The following GABRR2 variants were observed in gnomAD, a reference collection of about 807,000 sequenced individuals.
GABRR2 encodes gamma-aminobutyric acid receptor subunit rho-2.
A neutral mutation model predicts 47.0 loss-of-function variants in GABRR2; 36 were observed. The observed-to-expected ratio is 0.77, with a 90% CI of 0.59 to 1.01. GABRR2 has a LOEUF of 1.01. Ranked by LOEUF, GABRR2 falls within the 50% of genes least tolerant of loss-of-function variation. The pLI, the probability that GABRR2 is intolerant of heterozygous loss-of-function variation, is 0.00. For synonymous variants in GABRR2, 204 were observed against 227.5 expected (o/e 0.90, Z 0.93); for missense variants, 587 against 594.6 (o/e 0.99, Z 0.13).
chr6:89,307,814 CTTT>C lies in GABRR2; in HGVS notation c.113+7236_113+7238del, dbSNP rs1247224346. ...CCCTGTTCTTGTCAAACTTCATTCA[CTTT>C]TTTTTTTTTTTTTTTTTTGAGATGG... On this transcript the variant is annotated intron_variant, in intron 1 of 8. Transcript: ENST00000402938. Among the ~76,000 whole-genome samples the C allele has an allele frequency of 9.7e-3, 1,211 of 125,224 alleles. 9 individuals are homozygous for C. Among genetic ancestry groups the C allele is most frequent in the African/African-American group, 0.037 (1,158 of 31,516 alleles). 82.2% of individuals were successfully genotyped at this position (125,224 alleles called of 152,430 possible).
chr6:89,285,551 G>A (rs569051416), intron 2 of GABRR2, among the ~76,000 whole-genome samples: 9 of 152,212 alleles, frequency 5.9e-5, no homozygotes, highest in Middle Eastern at 3.4e-3. Flanking sequence ...CATCACCCGG[G>A]CACTTAGAGA....
At position 89,257,073 on chromosome 6, in the gene GABRR2, G is replaced by A. The variant is rs1416145055; in HGVS notation, c.*597C>T. ...TTTCTACCGTACCTGGCACAGAGTG[G>A]GACCTCAATATTTAATGAATGGTTG... is the stretch of plus-strand genomic sequence containing the variant. On this transcript the variant is annotated 3_prime_UTR_variant, in exon 9 of 9. Coordinates refer to ENST00000402938, the MANE Select transcript of GABRR2 (RefSeq NM_002043.5). 2.0e-5 allele frequency: 3 copies of A among 152,718 alleles called. No individual in the cohort carries two copies. The East Asian group carries it at 5.8e-4, about 29-fold the overall frequency. 9.5% of individuals were successfully genotyped at this position (152,718 alleles called of 1,614,324 possible). A position where few individuals can be genotyped will look rare whatever the true frequency, so the allele number is the denominator to read the frequency against.
At chr6:89,302,485 A>T in intron 1 of GABRR2, 2 of 662,712 alleles carry the variant, frequency 3.0e-6, no homozygotes, top group Admixed American at 3.9e-5. Context: ...CAGGATCACT[A>T]CCTCCTTGTG....
rs938377562 is a variant in GABRR2, at chr6:89,256,307, C to G, written c.*1363G>C. On this transcript the variant is annotated 3_prime_UTR_variant, in exon 9 of 9. Coordinates refer to ENST00000402938, the MANE Select transcript of GABRR2 (RefSeq NM_002043.5). The stretch of plus-strand genomic sequence containing the variant: ...TGAACTATTACTGAGGCACTAAACA[C>G]TCTTAATCTTATATTATAGATATTT... 4.0e-5 allele frequency among the ~76,000 whole-genome samples: 6 copies of G among 151,696 alleles called. No homozygotes were observed. Among genetic ancestry groups the G allele is most frequent in the African/African-American group, 1.2e-4 (5 of 41,240 alleles).
chr6:89,305,138 A>G (rs1044599325), intron 1 of GABRR2, among the ~76,000 whole-genome samples: 2 of 152,122 alleles, frequency 1.3e-5, no homozygotes, highest in African/African-American at 4.8e-5. Flanking sequence ...CAGGTGGATC[A>G]CAGGCCAGGA....
chr6:89,309,926 A>T (rs1767651605), intron 1 of GABRR2, among the ~76,000 whole-genome samples: 1 of 149,034 alleles, frequency 6.7e-6, no homozygotes, highest in Non-Finnish European at 1.5e-5. Context: ...TAACAGGCAC[A>T]TGCCACCGTG....
Position 89,271,700 on chromosome 6 carries a change from C to A in GABRR2, c.243G>T (p.Val81=). 2 of 1,612,572 alleles carry A rather than the reference C, an allele frequency of 1.2e-6. No individual in the cohort carries two copies. The highest frequency in any genetic ancestry group is 1.7e-6 in the Non-Finnish European group (2 of 1,179,378). Residue 81 remains valine, a synonymous_variant, in exon 3 of 9, where the codon GTG becomes GTT. Coordinates refer to ENST00000402938, the MANE Select transcript of GABRR2 (RefSeq NM_002043.5). ...TGTCCAGGCTCTCCACCTGTACGTCCACGCCCACCGGGATGGCAGGGCCTG... is the reference window on the plus strand; with the variant it reads ...TGTCCAGGCTCTCCACCTGTACGTCAACGCCCACCGGGATGGCAGGGCCTG... ...AFGGPAIPVG[V]DVQVESLDSI...
chr6:89,296,901 T>C (rs1344452156), intron 2 of GABRR2, among the ~76,000 whole-genome samples: 1 of 152,248 alleles, frequency 6.6e-6, no homozygotes, highest in African/African-American at 2.4e-5. Context: ...AAACCTAAGT[T>C]CTGCCTCTGG....
At chr6:89,258,578 A>T (rs1773664307) in intron 8 of GABRR2, among the ~76,000 whole-genome samples, 1 of 149,904 alleles carries the variant, frequency 6.7e-6, no homozygotes, top group South Asian at 2.1e-4. Flanking sequence ...TTAATTAGCC[A>T]GGCATGGTGG....
In GABRR2 at chr6:89,264,617, C is replaced by A. The variant is rs762562138; in HGVS notation, c.890-9G>T. 58 of 1,613,740 alleles carry A rather than the reference C, an allele frequency of 3.6e-5. No homozygotes were observed. Among genetic ancestry groups the A allele is most frequent in the Non-Finnish European group, 4.6e-5 (54 of 1,179,760 alleles). ...CAGCACCGTCGTGATACCTGCAACA[C>A]CCGGCCTTAGTTGGGCTGCTGACAG... On this transcript the variant is annotated splice_polypyrimidine_tract_variant and intron_variant, in intron 7 of 8. Transcript: ENST00000402938.
At chr6:89,269,462 G>C in intron 3 of GABRR2, 1 of 546,272 alleles carries the variant, frequency 1.8e-6, no homozygotes, top group South Asian at 2.1e-5. Context: ...CAGCCCCTCA[G>C]GCTTTGCAAA....
rs113156772 is a variant in GABRR2, at chr6:89,303,162, C to T, written c.114-3297G>A. ...GGGCAGGTGGCGCCGGTGCCAAGGC[C>T]AGCAGTGTCTGACCTCCAGAGCCAT... On this transcript the variant is annotated intron_variant, in intron 1 of 8. Coordinates refer to ENST00000402938, the MANE Select transcript of GABRR2 (RefSeq NM_002043.5). 1.1e-3 allele frequency: 449 copies of T among 419,582 alleles called. 4 individuals carry two copies. The highest frequency in any genetic ancestry group is 8.8e-3 in the African/African-American group (424 of 48,116). The allele number at this position is 419,582 out of a possible 1,614,324, so 26.0% of individuals were successfully genotyped here.
chr6:89,274,836 C>A (rs1453621992), intron 2 of GABRR2, among the ~76,000 whole-genome samples: 2 of 151,764 alleles, frequency 1.3e-5, no homozygotes, highest in East Asian at 3.9e-4. Flanking sequence ...CCACTGCACT[C>A]CAGCATGGGC....
At chr6:89,300,733 T>A in intron 1 of GABRR2, among the ~76,000 whole-genome samples, 1 of 54,130 alleles carries the variant, frequency 1.8e-5, no homozygotes, top group Admixed American at 2.9e-4. Context: ...CAATAATAAA[T>A]AGCGTACCAA....
intron 1 of GABRR2, among the ~76,000 whole-genome samples, chr6:89,312,803 C>T (rs1767702011): frequency 6.6e-6 from 1 of 152,194 alleles, no homozygotes; most frequent in Non-Finnish European, 1.5e-5. Flanking sequence ...TCCTTTTCCC[C>T]CAGCCTCAGT....
intron 1 of GABRR2, among the ~76,000 whole-genome samples, chr6:89,309,337 C>T (rs1767636048): frequency 1.3e-5 from 2 of 152,184 alleles, no homozygotes; most frequent in South Asian, 2.1e-4. Context: ...CTTACAGAGT[C>T]CTTTGAACCC....
intron 2 of GABRR2, among the ~76,000 whole-genome samples, chr6:89,295,571 G>A (rs1774539262): frequency 6.6e-6 from 1 of 152,134 alleles, no homozygotes; most frequent in African/African-American, 2.4e-5. Context: ...CTTCCATTCT[G>A]TAGGTTGCCT....
At chr6:89,262,536 C>T (rs985764307) in intron 8 of GABRR2, among the ~76,000 whole-genome samples, 1 of 152,086 alleles carries the variant, frequency 6.6e-6, no homozygotes, top group Non-Finnish European at 1.5e-5. Flanking sequence ...AATAAAGTCT[C>T]CTTTTTCAAA....
intron 2 of GABRR2, among the ~76,000 whole-genome samples, chr6:89,291,740 T>C (rs2127844034): frequency 6.6e-6 from 1 of 152,342 alleles, no homozygotes; most frequent in Non-Finnish European, 1.5e-5. Context: ...TCATACTTGA[T>C]TACACTTAAT....
Sources: gnomAD v4.1 joint callset for allele counts (sites outside exome capture counted in the v4.1 genomes callset) on GRCh38, gnomAD v4.1.1 for gene constraint, MANE v1.5 for transcripts, NCBI Gene and HGNC (gene_info 2026-07-23, HGNC 2026-07-21) for gene names.